The following SEMA5A variants were observed in gnomAD, a reference collection of about 807,000 sequenced individuals.
The protein encoded by SEMA5A is semaphorin-5A.
In SEMA5A, 55 loss-of-function variants were observed where a neutral mutation model predicts 135.5. The ratio of observed to expected loss-of-function variants is 0.41; its 90% CI spans 0.33 to 0.51. The LOEUF (loss-of-function observed/expected upper bound fraction) is 0.51. SEMA5A is among the 20% of genes least tolerant of loss of function. The pLI is 0.37. For missense variants in SEMA5A, 1,290 were observed against 1,419.9 expected, an observed-to-expected ratio of 0.91 and a Z score of 1.47; for synonymous variants, 580 against 546.5, an observed-to-expected ratio of 1.06 and a Z score of -0.85.
chr5:9,154,732 G>T, intron 11 of SEMA5A, 37 bp from the exon 12 acceptor site: 1 of 1,579,406 alleles, frequency 6.3e-7, no homozygotes, highest in Non-Finnish European at 8.7e-7. Context: ...AACAAGGTCA[G>T]AGGGTCTCAC....
chr5:9,408,150 T>TCACCACCAC (rs559391384), intron 2 of SEMA5A, among the ~76,000 whole-genome samples: 1 of 150,616 alleles, frequency 6.6e-6, no homozygotes. Context: ...AACATCATTA[T>TCACCACCAC]CACCACCACC....
At chr5:9,482,255 T>C (rs1224497684) in intron 1 of SEMA5A, among the ~76,000 whole-genome samples, 2 of 152,170 alleles carry the variant, frequency 1.3e-5, no homozygotes, top group African/African-American at 4.8e-5. Context: ...ATCTATAGCA[T>C]GTGTCCAAAT....
chr5:9,387,958 T>C (rs1288333995), intron 2 of SEMA5A, among the ~76,000 whole-genome samples: 1 of 152,212 alleles, frequency 6.6e-6, no homozygotes, highest in Non-Finnish European at 1.5e-5. Flanking sequence ...CGTGTCTCGA[T>C]TGCCAAGTTT....
At chr5:9,265,547 A>T in intron 5 of SEMA5A, 1 of 456,276 alleles carries the variant, frequency 2.2e-6, no homozygotes, top group Non-Finnish European at 4.4e-6. Flanking sequence ...CCAGGCTGTG[A>T]GTATATGTGA....
At chr5:9,367,827 C>G (rs1027048064) in intron 3 of SEMA5A, among the ~76,000 whole-genome samples, 4 of 152,200 alleles carry the variant, frequency 2.6e-5, no homozygotes, top group Non-Finnish European at 5.9e-5. Flanking sequence ...TTGGGGCCCT[C>G]TTTGCCGAAA....
At chr5:9,453,593 C>G (rs1027473139) in intron 1 of SEMA5A, among the ~76,000 whole-genome samples, 7 of 152,054 alleles carry the variant, frequency 4.6e-5, no homozygotes, top group African/African-American at 1.7e-4. Flanking sequence ...GTTAATGAAC[C>G]AATTGCATAT....
intron 3 of SEMA5A, among the ~76,000 whole-genome samples, chr5:9,338,868 A>G (rs1753515017): frequency 6.6e-6 from 1 of 152,124 alleles, no homozygotes; most frequent in South Asian, 2.1e-4. Context: ...TCCTAAAGAA[A>G]TCGCTTTGTT....
Position 9,222,049 on chromosome 5 carries a change from G to A in SEMA5A, c.646+2625C>T, listed in dbSNP as rs1561039732. 3.3e-5 allele frequency among the ~76,000 whole-genome samples: 5 copies of A among 152,332 alleles called. No homozygotes were observed. The South Asian group carries it at 1.0e-3, about 32-fold the overall frequency. On this transcript the variant is annotated intron_variant, in intron 8 of 22. Coordinates refer to ENST00000382496, the MANE Select transcript of SEMA5A (RefSeq NM_003966.3). ...GTTTAAGAGACACAGAAGCCAAGGG[G>A]TGGCCCCCCCTGGGGCTGGATTTGG... is the stretch of plus-strand genomic sequence containing the variant.
chr5:9,405,332 T>G (rs189509832), intron 2 of SEMA5A, among the ~76,000 whole-genome samples: 3 of 152,204 alleles, frequency 2.0e-5, no homozygotes, highest in African/African-American at 7.2e-5. Context: ...CCAGTAGCCA[T>G]GAATTCTAAC....
chr5:9,341,542 C>T (rs1449785859), intron 3 of SEMA5A, among the ~76,000 whole-genome samples: 1 of 151,610 alleles, frequency 6.6e-6, no homozygotes, highest in Non-Finnish European at 1.5e-5. Flanking sequence ...TTAAGATGCT[C>T]ATTGCCCCCA....
Position 9,204,513 on chromosome 5 carries a change from C to T in SEMA5A, c.647-2273G>A, listed in dbSNP as rs1745902723. Reference sequence around the variant, plus strand: ...AGTTTATAATAAAAACAGCTAATATCTGTAGAATGCTAAGTCTTGTGCCAA... The same window carrying T: ...AGTTTATAATAAAAACAGCTAATATTTGTAGAATGCTAAGTCTTGTGCCAA... On this transcript the variant is annotated intron_variant, in intron 8 of 22. Coordinates refer to ENST00000382496, the MANE Select transcript of SEMA5A (RefSeq NM_003966.3). The surrounding 1 kb of genome is among the most constrained non-coding windows in gnomAD (Gnocchi z 6.4). Among the ~76,000 whole-genome samples the T allele has an allele frequency of 6.6e-6, 1 of 152,196 alleles. No individual in the cohort carries two copies. The highest frequency in any genetic ancestry group is 1.5e-5 in the Non-Finnish European group (1 of 68,046).
chr5:9,137,386 G>T (rs1204718192), intron 12 of SEMA5A, among the ~76,000 whole-genome samples: 1 of 152,164 alleles, frequency 6.6e-6, no homozygotes, highest in South Asian at 2.1e-4. Flanking sequence ...TTGTCTAAAT[G>T]AAAGAGTTCA....
At chr5:9,145,842 A>G (rs1742306383) in intron 12 of SEMA5A, among the ~76,000 whole-genome samples, 1 of 146,972 alleles carries the variant, frequency 6.8e-6, no homozygotes, top group South Asian at 2.1e-4. Flanking sequence ...ATGGGGTTTC[A>G]TCATGTTGAC....
chr5:9,123,898 C>T (rs1040388521), intron 13 of SEMA5A, among the ~76,000 whole-genome samples: 5 of 152,086 alleles, frequency 3.3e-5, no homozygotes, highest in African/African-American at 7.2e-5. Context: ...CAGGGGCTAT[C>T]GGAGCAGAGG....
At chr5:9,077,294 TAGAAGGGGAAA>T (rs1738121414) in intron 16 of SEMA5A, among the ~76,000 whole-genome samples, 1 of 152,138 alleles carries the variant, frequency 6.6e-6, no homozygotes, top group Non-Finnish European at 1.5e-5. Context: ...ATCTGGCTCA[TAGAAGGGGAAA>T]AGAATCGATA....
intron 2 of SEMA5A, among the ~76,000 whole-genome samples, chr5:9,398,516 G>C (rs1174011713): frequency 6.6e-6 from 1 of 152,220 alleles, no homozygotes; most frequent in Non-Finnish European, 1.5e-5. Context: ...GCAAGGGCCA[G>C]GTCTGCAAAC....
intron 5 of SEMA5A, among the ~76,000 whole-genome samples, chr5:9,306,503 T>C (rs1751878528): frequency 1.3e-5 from 2 of 152,226 alleles, no homozygotes; most frequent in African/African-American, 2.4e-5. Context: ...TGATTCTTTT[T>C]TATTCTAATG....
At chr5:9,320,973 A>T (rs1377535216) in intron 4 of SEMA5A, among the ~76,000 whole-genome samples, 2 of 151,908 alleles carry the variant, frequency 1.3e-5, no homozygotes, top group Non-Finnish European at 2.9e-5. Context: ...CCCCACCCAA[A>T]TCTCATCTTG....
chr5:9,293,297 A>C (rs1246157098), intron 5 of SEMA5A, among the ~76,000 whole-genome samples: 1 of 152,196 alleles, frequency 6.6e-6, no homozygotes, highest in Non-Finnish European at 1.5e-5. Flanking sequence ...CTTGAAATGA[A>C]ATACTCAAAG....
Sources: gnomAD v4.1 joint callset for allele counts (sites outside exome capture counted in the v4.1 genomes callset) on GRCh38, gnomAD v4.1.1 for gene constraint, Gnocchi (gnomAD v3.1) non-coding constraint, MANE v1.5 for transcripts, NCBI Gene and HGNC (gene_info 2026-07-23, HGNC 2026-07-21) for gene names.